Variants in PRMT7 observed in about 807,000 individuals in gnomAD.
PRMT7 encodes the protein protein arginine N-methyltransferase 7.
Under a neutral mutation model 85.4 loss-of-function variants are expected in PRMT7, and 75 were observed. That is an observed-to-expected ratio of 0.88 (90% CI 0.73 to 1.06). The LOEUF (loss-of-function observed/expected upper bound fraction) is 1.06. Ranked by LOEUF, PRMT7 falls within the 50% of genes least tolerant of loss-of-function variation. PRMT7 has a pLI of 0.00. For missense variants in PRMT7, 868 were observed against 915.2 expected, an observed-to-expected ratio of 0.95 and a Z score of 0.67; for synonymous variants, 397 against 359.5, an observed-to-expected ratio of 1.10 and a Z score of -1.18.
At chr16:68,351,093 T>C (rs1302213066) in intron 14 of PRMT7, among the ~76,000 whole-genome samples, 2 of 152,340 alleles carry the variant, frequency 1.3e-5, no homozygotes, top group African/African-American at 4.8e-5. Context: ...TGAAAGCCAC[T>C]GTGTGGTGTA....
intron 5 of PRMT7, 66 bp from the exon 6 acceptor site, chr16:68,329,000 C>T (rs2083480589): frequency 8.7e-7 from 1 of 1,143,090 alleles, no homozygotes; most frequent in African/African-American, 1.5e-5. Flanking sequence ...GCTTGCTCAC[C>T]TTAAAGGTCA....
downstream of PRMT7, chr16:68,359,162 A>C (rs550912385): frequency 1.2e-4 from 18 of 152,458 alleles, no homozygotes; most frequent in Admixed American, 1.1e-3. Context: ...CCGGGCCTCA[A>C]CTGCTCTCCC....
intron 6 of PRMT7, among the ~76,000 whole-genome samples, chr16:68,332,371 G>A (rs57408772): frequency 0.012 from 1,814 of 152,196 alleles, 43 homozygotes; most frequent in African/African-American, 0.042. Context: ...GTCTTCCTTG[G>A]TCTCGAGTGT....
intron 1 of PRMT7, 97 bp downstream of exon 1, chr16:68,311,196 T>G: frequency 1.8e-6 from 1 of 569,058 alleles, no homozygotes; most frequent in Non-Finnish European, 3.2e-6. Context: ...CAGAGGAGCC[T>G]AGCGTGGGCC....
intron 3 of PRMT7, among the ~76,000 whole-genome samples, chr16:68,319,414 G>A (rs1366397916): frequency 2.0e-5 from 3 of 152,100 alleles, no homozygotes; most frequent in Admixed American, 1.3e-4. Context: ...TCAGCTGCAG[G>A]AGTGAGCTGG....
chr16:68,337,309 T>G, intron 6 of PRMT7, 150 bp from the exon 7 acceptor site: 1 of 554,830 alleles, frequency 1.8e-6, no homozygotes, highest in Non-Finnish European at 3.2e-6. Flanking sequence ...GGCAAGTCAG[T>G]TGCAGACATC....
chr16:68,328,809 C>T (rs1316094752), intron 5 of PRMT7, among the ~76,000 whole-genome samples: 4 of 152,162 alleles, frequency 2.6e-5, no homozygotes, highest in African/African-American at 9.7e-5. Context: ...GTACTGACAC[C>T]TACTGCTCTT....
In PRMT7 at chr16:68,339,556, A is replaced by G; in HGVS notation, c.739A>G (p.Met247Val). ...DFTVLSDVLP[M>V]FSIDFSKQVS... ...TACAGTCCTCAGCGATGTGCTGCCCATGTTCAGGTACCAAGGAGCCACCAT... is the reference window on the plus strand; with the variant it reads ...TACAGTCCTCAGCGATGTGCTGCCCGTGTTCAGGTACCAAGGAGCCACCAT... Residue 247 changes from methionine (M) to valine (V), a missense_variant, in exon 8 of 19, where the codon ATG becomes GTG. Coordinates refer to ENST00000441236, the MANE Select transcript of PRMT7 (RefSeq NM_019023.5). 6.2e-7 allele frequency: 1 copy of G among 1,613,488 alleles called. No homozygotes were observed. The highest frequency in any genetic ancestry group is 8.5e-7 in the Non-Finnish European group (1 of 1,179,832).
chr16:68,324,823 T>C lies in PRMT7; in HGVS notation c.273T>C (p.Tyr91=). The change falls in exon 5 of 19, where the codon TAT becomes TAC. Residue 91 remains tyrosine (Y), a synonymous_variant. Coordinates refer to ENST00000441236, the MANE Select transcript of PRMT7 (RefSeq NM_019023.5). ...MAVTAGADFC[Y]AIEVFKPMAD... ...TCACAGCAGGTGCCGACTTCTGCTA[T>C]GCCATCGAGGTAAGCCATTCCCTTC... 1.9e-6 allele frequency: 3 copies of C among 1,614,056 alleles called. No individual in the cohort carries two copies. The highest frequency in any genetic ancestry group is 2.5e-6 in the Non-Finnish European group (3 of 1,180,024).
intron 5 of PRMT7, among the ~76,000 whole-genome samples, 172 bp from the exon 6 acceptor site, chr16:68,328,894 A>G (rs1283280093): frequency 6.6e-6 from 1 of 152,164 alleles, no homozygotes; most frequent in Admixed American, 6.5e-5. Flanking sequence ...CCCTAATCAC[A>G]AGTTAAAGCC....
Position 68,352,232 on chromosome 16 carries a change from C to T in PRMT7, c.1414-16C>T. 1 of 1,611,634 alleles carries T rather than the reference C, an allele frequency of 6.2e-7. No homozygotes were observed. The highest frequency in any genetic ancestry group is 1.1e-5 in the South Asian group (1 of 90,894). Reference sequence around the variant, plus strand: ...CCCTACTGACACCTGGGCCCTGCTTCTCGCCCATTCACCAGGTCTCTCTCC... The same window carrying T: ...CCCTACTGACACCTGGGCCCTGCTTTTCGCCCATTCACCAGGTCTCTCTCC... On this transcript the variant is annotated splice_polypyrimidine_tract_variant and intron_variant, in intron 14 of 18. Transcript: ENST00000441236.
chr16:68,355,903 G>C lies in PRMT7; in HGVS notation c.1811+20G>C. The C allele has an allele frequency of 6.4e-7, 1 of 1,550,594 alleles. No homozygotes were observed. The highest frequency in any genetic ancestry group is 8.7e-7 in the Non-Finnish European group (1 of 1,148,646). The stretch of plus-strand genomic sequence containing the variant: ...CAGAAGGTGGGTGCAGAGAGGGCTG[G>C]GGGGCAGGGAGGGGCTGCTGCTTGC... On this transcript the variant is annotated intron_variant, in intron 17 of 18. Transcript: ENST00000441236.
chr16:68,350,757 C>T (rs1416549084), intron 14 of PRMT7, among the ~76,000 whole-genome samples: 1 of 152,266 alleles, frequency 6.6e-6, no homozygotes, highest in Non-Finnish European at 1.5e-5. Flanking sequence ...TGGGCACCCA[C>T]TCTTCTCCTT....
intron 14 of PRMT7, 129 bp from the exon 15 acceptor site, chr16:68,352,119 A>T (rs1321036357): frequency 5.5e-6 from 5 of 904,764 alleles, no homozygotes; most frequent in African/African-American, 1.7e-5. Context: ...TGACTGAGTG[A>T]GGGAGGGAGA....
chr16:68,325,067 ATACT>A (rs2082944866), intron 5 of PRMT7, among the ~76,000 whole-genome samples: 1 of 152,236 alleles, frequency 6.6e-6, no homozygotes, highest in Admixed American at 6.5e-5. Flanking sequence ...GCTTTAGAAA[ATACT>A]TACAGGCTGG....
At chr16:68,327,641 A>G (rs1022109987) in intron 5 of PRMT7, among the ~76,000 whole-genome samples, 1 of 152,182 alleles carries the variant, frequency 6.6e-6, no homozygotes, top group African/African-American at 2.4e-5. Context: ...CCTGTGGTCA[A>G]CTGAGGTCCA....
intron 3 of PRMT7, among the ~76,000 whole-genome samples, chr16:68,317,163 G>C (rs1164487951): frequency 6.6e-6 from 1 of 151,058 alleles, no homozygotes; most frequent in African/African-American, 2.4e-5. Flanking sequence ...ACTTGAACTC[G>C]GGAGGTGGAG....
chr16:68,342,350 A>T (rs1309671557), intron 9 of PRMT7, among the ~76,000 whole-genome samples: 1 of 152,226 alleles, frequency 6.6e-6, no homozygotes, highest in African/African-American at 2.4e-5. Context: ...GGACCCAGGA[A>T]TGATTAAGGG....
At chr16:68,340,550 C>T (rs139379534) in intron 9 of PRMT7, among the ~76,000 whole-genome samples, 7 of 151,114 alleles carry the variant, frequency 4.6e-5, no homozygotes, top group South Asian at 2.1e-4. Flanking sequence ...TACTGCACTC[C>T]CGCCTGGGCA....
Sources: gnomAD v4.1 joint callset for allele counts (sites outside exome capture counted in the v4.1 genomes callset) on GRCh38, gnomAD v4.1.1 for gene constraint, MANE v1.5 for transcripts, NCBI Gene and HGNC (gene_info 2026-07-23, HGNC 2026-07-21) for gene names.